The following TMEM144 variants were observed in gnomAD, a reference collection of about 807,000 sequenced individuals.
TMEM144 encodes transmembrane protein 144.
A neutral mutation model predicts 43.6 loss-of-function variants in TMEM144; 39 were observed. The ratio of observed to expected loss-of-function variants is 0.90; its 90% confidence interval spans 0.69 to 1.17. The LOEUF is 1.17. TMEM144 is among the 50% of genes most tolerant of loss of function. The pLI, the probability that TMEM144 is intolerant of heterozygous loss-of-function variation, is 0.00. For missense variants in TMEM144, 417 were observed against 411.9 expected (o/e 1.01, Z -0.11); for synonymous variants, 154 against 133.6 (o/e 1.15, Z -1.06).
At chr4:158,248,297 T>G (rs2111153830) in intron 12 of TMEM144, among the ~76,000 whole-genome samples, 1 of 152,160 alleles carries the variant, frequency 6.6e-6, no homozygotes, top group Non-Finnish European at 1.5e-5. Context: ...CCTGCTGTGG[T>G]GGTGCATGCC....
intron 11 of TMEM144, among the ~76,000 whole-genome samples, chr4:158,242,178 T>C (rs138641603): frequency 2.0e-5 from 3 of 152,338 alleles, no homozygotes; most frequent in African/African-American, 4.8e-5. Flanking sequence ...ACAGAGATTA[T>C]TCTTGAAAAA....
intron 12 of TMEM144, among the ~76,000 whole-genome samples, chr4:158,249,364 G>C (rs1441585901): frequency 6.6e-6 from 1 of 152,164 alleles, no homozygotes; most frequent in Non-Finnish European, 1.5e-5. Context: ...ACAATGTATA[G>C]GTCAGTAAGC....
chr4:158,229,670 T>G (rs1579122325), intron 6 of TMEM144, among the ~76,000 whole-genome samples: 1 of 152,200 alleles, frequency 6.6e-6, no homozygotes, highest in Non-Finnish European at 1.5e-5. Flanking sequence ...GAGGCTAGGG[T>G]TCTGTCCCTG....
In TMEM144 at chr4:158,253,603, A is replaced by G. The variant is rs1736327544; in HGVS notation, c.*76A>G. ...GGACAGCGGAGAGATCATGCTGAGA[A>G]AAGAGTGCATTTTCATATAGCAAAT... is the stretch of plus-strand genomic sequence containing the variant. On this transcript the variant is annotated 3_prime_UTR_variant, in exon 13 of 13. Coordinates refer to ENST00000296529, the MANE Select transcript of TMEM144 (RefSeq NM_018342.5). 2 of 1,246,868 alleles carry G rather than the reference A, an allele frequency of 1.6e-6. No homozygotes were observed. Among genetic ancestry groups the G allele is most frequent in the Non-Finnish European group, 1.2e-6 (1 of 867,578 alleles). 77.2% of individuals were successfully genotyped at this position (1,246,868 alleles called of 1,614,324 possible).
intron 6 of TMEM144, among the ~76,000 whole-genome samples, chr4:158,229,222 G>C (rs1270497957): frequency 6.6e-6 from 1 of 152,092 alleles, no homozygotes; most frequent in Non-Finnish European, 1.5e-5. Flanking sequence ...AATATGAAAA[G>C]GTCTGTCTCT....
Position 158,244,147 on chromosome 4 carries a change from TA to T in TMEM144, c.901-146del, listed in dbSNP as rs1735761641. On this transcript the variant is annotated intron_variant, in intron 11 of 12. Coordinates refer to ENST00000296529, the MANE Select transcript of TMEM144 (RefSeq NM_018342.5). ...TTCATTTTTTTTACTTAATATCACCTAAAGTTTAGCTTAGTGTGGAGTTAGG... is the reference window on the plus strand; with the variant it reads ...TTCATTTTTTTTACTTAATATCACCTAAGTTTAGCTTAGTGTGGAGTTAGG... 1.5e-5 allele frequency: 6 copies of T among 405,716 alleles called. No individual in the cohort carries two copies. In the South Asian group the frequency reaches 5.1e-4, roughly 35 times the overall value. The allele number at this position is 405,716 out of a possible 1,614,324, so 25.1% of individuals were successfully genotyped here.
At position 158,211,509 on chromosome 4, in the gene TMEM144, A is replaced by G. The variant is rs934054280; in HGVS notation, c.-126A>G. The G allele has an allele frequency of 1.3e-5, 2 of 152,196 alleles. No individual in the cohort carries two copies. The highest frequency in any genetic ancestry group is 4.8e-5 in the African/African-American group (2 of 41,436). 9.4% of individuals were successfully genotyped at this position (152,196 alleles called of 1,614,324 possible). On this transcript the variant is annotated 5_prime_UTR_variant, in exon 2 of 13. Coordinates refer to ENST00000296529, the MANE Select transcript of TMEM144 (RefSeq NM_018342.5). ...ATCTCTGACCTGTTGCACCTCTGTTATCTTGGCACCTCTGTTATCTTAGCA... is the reference window on the plus strand; with the variant it reads ...ATCTCTGACCTGTTGCACCTCTGTTGTCTTGGCACCTCTGTTATCTTAGCA...
At chr4:158,249,814 G>C (rs557604586) in intron 12 of TMEM144, among the ~76,000 whole-genome samples, 24 of 151,448 alleles carry the variant, frequency 1.6e-4, no homozygotes, top group African/African-American at 5.6e-4. Context: ...ATTAGTACCA[G>C]TATCTAGGTG....
chr4:158,231,734 G>A (rs1233288168), intron 6 of TMEM144, among the ~76,000 whole-genome samples: 2 of 152,166 alleles, frequency 1.3e-5, no homozygotes, highest in African/African-American at 4.8e-5. Flanking sequence ...TTGGTAGACA[G>A]CTTGGAGCAG....
At chr4:158,236,134 G>T (rs147764494) in intron 8 of TMEM144, among the ~76,000 whole-genome samples, 1 of 152,044 alleles carries the variant, frequency 6.6e-6, no homozygotes, top group African/African-American at 2.4e-5. Flanking sequence ...ACATTTGATG[G>T]CTGCTTTAAA....
rs992190207 is a variant in TMEM144, at chr4:158,253,680, G to T, written c.*153G>T. 33 of 597,420 alleles carry T rather than the reference G, an allele frequency of 5.5e-5. No individual in the cohort carries two copies. Among genetic ancestry groups the T allele is most frequent in the Non-Finnish European group, 9.6e-5 (33 of 345,122 alleles). The allele number at this position is 597,420 out of a possible 1,614,324, so 37.0% of individuals were successfully genotyped here. On this transcript the variant is annotated 3_prime_UTR_variant, in exon 13 of 13. Coordinates refer to ENST00000296529, the MANE Select transcript of TMEM144 (RefSeq NM_018342.5). The stretch of plus-strand genomic sequence containing the variant: ...AAATGATTTTTTTCCCCAAAAATGT[G>T]AGAATGAAGGAAGATTGAGTTTCAT...
intron 3 of TMEM144, chr4:158,213,238 A>G (rs1304522967): frequency 6.2e-6 from 1 of 162,488 alleles, no homozygotes; most frequent in East Asian, 1.8e-4. Flanking sequence ...ACGCAGACAC[A>G]CGTACAATCT....
At chr4:158,250,791 C>A (rs1355107237) in intron 12 of TMEM144, among the ~76,000 whole-genome samples, 2 of 152,168 alleles carry the variant, frequency 1.3e-5, no homozygotes, top group Non-Finnish European at 2.9e-5. Context: ...TAGCCTCTAA[C>A]AGCCCAGGGT....
At chr4:158,244,795 T>C (rs1018348118) in intron 12 of TMEM144, among the ~76,000 whole-genome samples, 2 of 152,182 alleles carry the variant, frequency 1.3e-5, no homozygotes, top group Non-Finnish European at 2.9e-5. Context: ...ATTTGACAGA[T>C]AAAATGTTCA....
chr4:158,249,056 G>A (rs537649262), intron 12 of TMEM144, among the ~76,000 whole-genome samples: 2 of 152,116 alleles, frequency 1.3e-5, no homozygotes, highest in African/African-American at 4.8e-5. Context: ...ACAGAAGCCC[G>A]CCACCACGCC....
chr4:158,240,517 T>C, intron 10 of TMEM144, 99 bp downstream of exon 10: 1 of 1,302,804 alleles, frequency 7.7e-7, no homozygotes, highest in South Asian at 1.4e-5. Flanking sequence ...CCATCCTCTG[T>C]GTGTATATGT....
chr4:158,222,232 C>G (rs931397589), intron 6 of TMEM144, among the ~76,000 whole-genome samples: 1 of 152,168 alleles, frequency 6.6e-6, no homozygotes, highest in Non-Finnish European at 1.5e-5. Context: ...GATATCTGCC[C>G]TACATCAGGG....
At chr4:158,227,029 C>G (rs1189387536) in intron 6 of TMEM144, among the ~76,000 whole-genome samples, 1 of 151,870 alleles carries the variant, frequency 6.6e-6, no homozygotes, top group Non-Finnish European at 1.5e-5. Context: ...GCAAACTTTA[C>G]TTTTGTTGAA....
chr4:158,212,514 G>C (rs949736251), intron 2 of TMEM144, 94 bp from the exon 3 acceptor site: 6 of 550,660 alleles, frequency 1.1e-5, no homozygotes, highest in Non-Finnish European at 1.9e-5. Context: ...AGGAGTCTTA[G>C]CGTGCTTTTG....
Sources: allele counts gnomAD v4.1 joint callset (sites outside exome capture counted in the v4.1 genomes callset), GRCh38; gene constraint gnomAD v4.1.1; transcripts MANE v1.5; gene names NCBI Gene and HGNC (gene_info 2026-07-23, HGNC 2026-07-21).